Variants in ITGA9 observed in about 807,000 individuals in gnomAD.
ITGA9 encodes the protein integrin alpha-9.
ITGA9 carries 56 observed loss-of-function variants against 127.8 expected under a neutral mutation model. That is an observed-to-expected ratio of 0.44 (90% CI 0.35 to 0.55). ITGA9 has a LOEUF of 0.55. Ranked by LOEUF, ITGA9 falls within the 20% of genes least tolerant of loss-of-function variation. The pLI is 0.00. For missense variants in ITGA9, 1,196 were observed against 1,347.1 expected (o/e 0.89, Z 1.76); for synonymous variants, 508 against 514.5 (o/e 0.99, Z 0.17).
intron 18 of ITGA9, among the ~76,000 whole-genome samples, chr3:37,725,099 G>A (rs1201983409): frequency 2.0e-5 from 3 of 152,186 alleles, no homozygotes; most frequent in African/African-American, 7.2e-5. Flanking sequence ...TCTTTCAGAA[G>A]TTTGACTAGC....
intron 23 of ITGA9, among the ~76,000 whole-genome samples, chr3:37,773,157 C>A (rs1486745666): frequency 6.6e-6 from 1 of 152,218 alleles, no homozygotes; most frequent in Non-Finnish European, 1.5e-5. Flanking sequence ...AGCTTCCTCT[C>A]CCTGCCTAGA....
At chr3:37,731,314 T>G (rs1696289546) in intron 18 of ITGA9, among the ~76,000 whole-genome samples, 1 of 152,070 alleles carries the variant, frequency 6.6e-6, no homozygotes, top group Non-Finnish European at 1.5e-5. Context: ...GCCTCCCGGG[T>G]TCACGCCATT....
rs1261802944 is a variant in ITGA9 at position 37,597,791 on chromosome 3, C to G, written c.1690-31396C>G. 1.3e-5 allele frequency among the ~76,000 whole-genome samples: 2 copies of G among 152,198 alleles called. No homozygotes were observed. Among genetic ancestry groups the G allele is most frequent in the African/African-American group, 2.4e-5 (1 of 41,456 alleles). ...TTAGCAGTGGCTTGGCTAGCTGGCT[C>G]TGCTGATTTGGGCAGGGCTTGTTCA... On this transcript the variant is annotated intron_variant, in intron 15 of 27. Coordinates refer to ENST00000264741, the MANE Select transcript of ITGA9 (RefSeq NM_002207.3). The surrounding 1 kb of genome is among the most constrained non-coding windows in gnomAD (Gnocchi z 4.6).
chr3:37,550,340 C>A (rs886615065), intron 15 of ITGA9, among the ~76,000 whole-genome samples: 3 of 152,178 alleles, frequency 2.0e-5, no homozygotes, highest in African/African-American at 7.2e-5. Flanking sequence ...GACTTCACTG[C>A]CTCTTCATAA....
intron 17 of ITGA9, among the ~76,000 whole-genome samples, chr3:37,680,033 T>C (rs1575190047): frequency 1.3e-5 from 2 of 152,122 alleles, no homozygotes; most frequent in East Asian, 3.9e-4. Flanking sequence ...AAGGATCCCC[T>C]GGGGACATGA....
intron 1 of ITGA9, 42 bp from the exon 2 acceptor site, chr3:37,470,965 T>G: frequency 6.2e-7 from 1 of 1,612,858 alleles, no homozygotes; most frequent in Non-Finnish European, 8.5e-7. Context: ...TCCTATTTTC[T>G]TATCGTAGGT....
intron 22 of ITGA9, 38 bp downstream of exon 22, chr3:37,744,072 T>C: frequency 7.4e-7 from 1 of 1,352,738 alleles, no homozygotes; most frequent in Middle Eastern, 1.8e-4. Context: ...CCGTGGGGGC[T>C]AACGGAAGGG....
intron 15 of ITGA9, among the ~76,000 whole-genome samples, chr3:37,577,149 T>C (rs1333867615): frequency 1.3e-5 from 2 of 152,182 alleles, no homozygotes; most frequent in East Asian, 3.9e-4. Context: ...ACAGAAGTCA[T>C]TTCCTTCCTG....
At chr3:37,544,775 G>A (rs1471712841) in intron 15 of ITGA9, among the ~76,000 whole-genome samples, 1 of 152,228 alleles carries the variant, frequency 6.6e-6, no homozygotes, top group East Asian at 1.9e-4. Context: ...ATGCAAGGAG[G>A]TGGGAGCGGA....
chr3:37,494,513 A>T lies in ITGA9; in HGVS notation c.557A>T (p.Lys186Met). 1 of 1,613,062 alleles carries T rather than the reference A, an allele frequency of 6.2e-7. No individual in the cohort carries two copies. Among genetic ancestry groups the T allele is most frequent in the Non-Finnish European group, 8.5e-7 (1 of 1,179,036 alleles). Residue 186 changes from lysine (K) to methionine (M), a missense_variant, in exon 5 of 28, where the codon AAG (lysine) becomes ATG (methionine). By Grantham distance (95) the Lys-to-Met change is moderately conservative. Transcript: ENST00000264741. ...LIPCYEEYKK[K>M]YGEEHGSCQA... ...TCCTTCCCCCTAGAGTATAAGAAGA[A>T]GTACGGAGAGGAACACGGCTCCTGC...
intron 23 of ITGA9, among the ~76,000 whole-genome samples, chr3:37,752,723 G>A (rs75381078): frequency 6.6e-6 from 1 of 152,188 alleles, no homozygotes; most frequent in Non-Finnish European, 1.5e-5. Flanking sequence ...GAAGTCTCTG[G>A]GGCTGCTTCT....
intron 26 of ITGA9, among the ~76,000 whole-genome samples, chr3:37,792,246 G>A (rs1223388555): frequency 6.6e-6 from 1 of 152,206 alleles, no homozygotes; most frequent in African/African-American, 2.4e-5. Context: ...TTTATTGAGG[G>A]CTTGCTAAGA....
chr3:37,685,756 C>T (rs1700776781), intron 18 of ITGA9, among the ~76,000 whole-genome samples: 1 of 152,190 alleles, frequency 6.6e-6, no homozygotes, highest in African/African-American at 2.4e-5. Context: ...GTCCCTTTGC[C>T]TGAGAATTTT....
intron 18 of ITGA9, among the ~76,000 whole-genome samples, chr3:37,697,964 A>G (rs1700903364): frequency 6.6e-6 from 1 of 152,142 alleles, no homozygotes; most frequent in South Asian, 2.1e-4. Context: ...GTGTAAAAGC[A>G]TTCCTATTTC....
intron 16 of ITGA9, among the ~76,000 whole-genome samples, chr3:37,650,834 A>G (rs1216150013): frequency 6.6e-6 from 1 of 152,208 alleles, no homozygotes; most frequent in Non-Finnish European, 1.5e-5. Context: ...AGTGATGCAC[A>G]GTGCCTAAGA....
Position 37,803,837 on chromosome 3 carries a change from C to T in ITGA9, c.2904C>T (p.Ala968=), listed in dbSNP as rs1697262887. Residue 968 remains alanine (A), a synonymous_variant, in exon 27 of 28, where the codon GCC becomes GCT. Coordinates refer to ENST00000264741, the MANE Select transcript of ITGA9 (RefSeq NM_002207.3). ...TTGCCTCCTAGGTGGTCTTCGAGGC[C>T]CTGCACAATCTGGAGCCCCGTGGCT... ...NPEEVTVVFE[A]LHNLEPRGYV... is the part of the protein sequence containing the mutation. 1 of 1,614,102 alleles carries T rather than the reference C, an allele frequency of 6.2e-7. No homozygotes were observed. The highest frequency in any genetic ancestry group is 8.5e-7 in the Non-Finnish European group (1 of 1,180,006).
rs750599849 is a variant in ITGA9, at chr3:37,750,559, A to G, written c.2531A>G (p.Gln844Arg). 9 of 1,607,014 alleles carry G rather than the reference A, an allele frequency of 5.6e-6. No individual in the cohort carries two copies. Among genetic ancestry groups the G allele is most frequent in the Non-Finnish European group, 1.7e-6 (2 of 1,173,658 alleles). ...SSGGAEMFHV[Q>R]EMVVGQEKGN... ...GGTGGTGCAGAGATGTTTCATGTCCAGGAAATGGTGGTGAGTTCTCCATTT... is the reference window on the plus strand; with the variant it reads ...GGTGGTGCAGAGATGTTTCATGTCCGGGAAATGGTGGTGAGTTCTCCATTT... The change falls in exon 23 of 28, where the codon CAG becomes CGG. Residue 844 changes from glutamine to arginine, a missense_variant. Physicochemically the swap from Gln to Arg is conservative, Grantham distance 43. Coordinates refer to ENST00000264741, the MANE Select transcript of ITGA9 (RefSeq NM_002207.3).
chr3:37,718,275 G>A (rs1213021151), intron 18 of ITGA9, among the ~76,000 whole-genome samples: 4 of 152,200 alleles, frequency 2.6e-5, no homozygotes, highest in African/African-American at 4.8e-5. Context: ...CTTGTTGAAC[G>A]AGTAGATGGG....
intron 16 of ITGA9, among the ~76,000 whole-genome samples, chr3:37,637,963 G>A (rs540911854): frequency 2.6e-5 from 4 of 152,250 alleles, no homozygotes; most frequent in East Asian, 1.9e-4. Context: ...GTGAGCCACC[G>A]TGCCCGGCCA....
Sources: gnomAD v4.1 joint callset for allele counts (sites outside exome capture counted in the v4.1 genomes callset) on GRCh38, gnomAD v4.1.1 for gene constraint, Gnocchi (gnomAD v3.1) non-coding constraint, MANE v1.5 for transcripts, NCBI Gene and HGNC (gene_info 2026-07-23, HGNC 2026-07-21) for gene names.